BORCS5: variants seen among roughly 807,000 people sequenced by gnomAD.
BORCS5 encodes BLOC-1 related complex subunit 5.
Under a neutral mutation model 22.1 loss-of-function variants are expected in BORCS5, and 17 were observed. The observed-to-expected ratio is 0.77, with a 90% CI of 0.53 to 1.15. The LOEUF (loss-of-function observed/expected upper bound fraction) is 1.15. Among genes scored for constraint, BORCS5 ranks in the 50% most tolerant of loss-of-function variants. BORCS5 has a pLI of 0.00. For missense variants in BORCS5, 247 were observed against 253.2 expected (o/e 0.98, Z 0.17); for synonymous variants, 117 against 99.8 (o/e 1.17, Z -1.03).
At chr12:12,416,658 A>C (rs970738722) in intron 2 of BORCS5, among the ~76,000 whole-genome samples, 3 of 151,844 alleles carry the variant, frequency 2.0e-5, no homozygotes, top group African/African-American at 7.3e-5. Context: ...ACAGAGTCTC[A>C]CTAGGTTGCC....
Position 12,382,452 on chromosome 12 carries a change from T to A in BORCS5, c.202+21103T>A, listed in dbSNP as rs531103906. On this transcript the variant is annotated intron_variant, in intron 2 of 3. Transcript: ENST00000314565. ...CCCACCTCCAACATTAGGGGCCACA[T>A]TTTAACATGAGATTTGGAGGGGACA... 2.4e-4 allele frequency among the ~76,000 whole-genome samples: 36 copies of A among 151,268 alleles called. 3 individuals carry two copies. In the South Asian group the frequency reaches 7.1e-3, roughly 30 times the overall value.
At chr12:12,369,712 C>CTTTTTTTTTTTTTT (rs71061052) in intron 2 of BORCS5, among the ~76,000 whole-genome samples, 2 of 42,946 alleles carry the variant, frequency 4.7e-5, no homozygotes, top group African/African-American at 2.0e-4. Flanking sequence ...CCCCCCACTT[C>CTTTTTTTTTTTTTT]TTTTTTTTTT....
chr12:12,461,413 C>T (rs1044604823), intron 3 of BORCS5, among the ~76,000 whole-genome samples: 1 of 151,990 alleles, frequency 6.6e-6, no homozygotes, highest in Non-Finnish European at 1.5e-5. Context: ...CTCAAGTGGT[C>T]CTCCTACCTC....
At chr12:12,385,514 CT>C (rs568909483) in intron 2 of BORCS5, among the ~76,000 whole-genome samples, 254 of 143,078 alleles carry the variant, frequency 1.8e-3, no homozygotes, top group Middle Eastern at 3.7e-3. Context: ...TACCCAAGTT[CT>C]TTTTTTTTTT....
chr12:12,457,395 C>T (rs1273251684), intron 3 of BORCS5, among the ~76,000 whole-genome samples: 5 of 152,220 alleles, frequency 3.3e-5, no homozygotes, highest in South Asian at 4.1e-4. Flanking sequence ...TTTGGCCGGG[C>T]GCGGTGGCTC....
intron 2 of BORCS5, among the ~76,000 whole-genome samples, chr12:12,412,636 A>G (rs552896637): frequency 9.2e-5 from 14 of 152,068 alleles, no homozygotes; most frequent in Non-Finnish European, 1.9e-4. Context: ...ATTGCTCTTG[A>G]CAGAACTTCC....
intron 2 of BORCS5, among the ~76,000 whole-genome samples, chr12:12,407,643 T>C (rs1941622360): frequency 6.6e-6 from 1 of 151,962 alleles, no homozygotes; most frequent in Admixed American, 6.6e-5. Context: ...TCCCAATCTC[T>C]ACCCTCAGCC....
chr12:12,386,246 C>A (rs1245441841), intron 2 of BORCS5, among the ~76,000 whole-genome samples: 1 of 151,222 alleles, frequency 6.6e-6, no homozygotes, highest in Non-Finnish European at 1.5e-5. Flanking sequence ...AGTGATCCAC[C>A]TGCCTCGGCC....
chr12:12,374,844 T>C (rs752558767), intron 2 of BORCS5, among the ~76,000 whole-genome samples: 1 of 150,812 alleles, frequency 6.6e-6, no homozygotes, highest in Non-Finnish European at 1.5e-5. Context: ...TGTAATCAGC[T>C]ACTGGGGAGG....
intron 2 of BORCS5, among the ~76,000 whole-genome samples, chr12:12,427,243 C>T (rs1474908878): frequency 7.3e-6 from 1 of 136,816 alleles, no homozygotes; most frequent in East Asian, 2.2e-4. Context: ...TTTGGTGGCA[C>T]AATCTCGGCT....
At chr12:12,376,658 A>G (rs1357895285) in intron 2 of BORCS5, among the ~76,000 whole-genome samples, 1 of 152,250 alleles carries the variant, frequency 6.6e-6, no homozygotes, top group Non-Finnish European at 1.5e-5. Flanking sequence ...GAAAAAATAA[A>G]TCCAACAGAG....
chr12:12,357,813 T>C (rs1170550511), intron 1 of BORCS5, among the ~76,000 whole-genome samples: 1 of 152,208 alleles, frequency 6.6e-6, no homozygotes, highest in Non-Finnish European at 1.5e-5. Flanking sequence ...CTAGTGCTCA[T>C]GGCTGATGTA....
intron 2 of BORCS5, among the ~76,000 whole-genome samples, chr12:12,372,020 C>T (rs1020197420): frequency 3.3e-5 from 5 of 152,068 alleles, no homozygotes; most frequent in South Asian, 2.1e-4. Flanking sequence ...ACTTTTTGAA[C>T]GTATGAGTAC....
chr12:12,460,072 G>A (rs991437488), intron 3 of BORCS5, among the ~76,000 whole-genome samples: 1 of 152,104 alleles, frequency 6.6e-6, no homozygotes. Context: ...CTTTTTACTT[G>A]GATTGCAAAT....
chr12:12,446,507 A>G (rs911446786), intron 3 of BORCS5, among the ~76,000 whole-genome samples: 1 of 152,302 alleles, frequency 6.6e-6, no homozygotes, highest in Non-Finnish European at 1.5e-5. Context: ...GTTTATCTGA[A>G]TGTTCTGAAC....
chr12:12,394,694 A>G (rs1941287481), intron 2 of BORCS5, among the ~76,000 whole-genome samples: 2 of 152,012 alleles, frequency 1.3e-5, no homozygotes, highest in Admixed American at 6.6e-5. Flanking sequence ...ACAATCTAGT[A>G]TAGAAAACAA....
chr12:12,444,503 A>G (rs1278453794), intron 3 of BORCS5, among the ~76,000 whole-genome samples: 1 of 152,210 alleles, frequency 6.6e-6, no homozygotes, highest in African/African-American at 2.4e-5. Flanking sequence ...AGTGTTGCCT[A>G]TGACTTCGGC....
At chr12:12,376,788 T>C (rs1030691636) in intron 2 of BORCS5, among the ~76,000 whole-genome samples, 4 of 152,146 alleles carry the variant, frequency 2.6e-5, no homozygotes, top group African/African-American at 9.7e-5. Context: ...TTTATAGCAG[T>C]CCTGTGTTTA....
intron 3 of BORCS5, among the ~76,000 whole-genome samples, chr12:12,462,711 C>T (rs1943131294): frequency 6.6e-6 from 1 of 152,092 alleles, no homozygotes. Flanking sequence ...GGCTGGAGTG[C>T]AGTGGTGCGA....
Sources: allele counts gnomAD v4.1 joint callset (sites outside exome capture counted in the v4.1 genomes callset), GRCh38; gene constraint gnomAD v4.1.1; transcripts MANE v1.5; gene names NCBI Gene and HGNC (gene_info 2026-07-23, HGNC 2026-07-21).